FHL5: variants seen among roughly 807,000 people sequenced by gnomAD.
The protein encoded by FHL5 is four and a half LIM domains protein 5.
FHL5 carries 33 observed loss-of-function variants against 32.0 expected under a neutral mutation model. The observed-to-expected ratio is 1.03, with a 90% CI of 0.78 to 1.38. FHL5 has a LOEUF of 1.38. FHL5 is among the 40% of genes most tolerant of loss of function. The probability of loss-of-function intolerance (pLI) is 0.00; values close to 1 mark genes in which losing one functional copy is unlikely to be tolerated. For synonymous variants in FHL5, 114 were observed against 113.6 expected (o/e 1.00, Z -0.02); for missense variants, 336 against 343.9 (o/e 0.98, Z 0.18).
intron 5 of FHL5, among the ~76,000 whole-genome samples, chr6:96,611,560 C>T (rs566806935): frequency 6.6e-6 from 1 of 152,330 alleles, no homozygotes; most frequent in South Asian, 2.1e-4. Context: ...TTTATAATCA[C>T]TTAATAATGT....
chr6:96,611,082 G>A (rs1272039516), intron 5 of FHL5, among the ~76,000 whole-genome samples: 1 of 152,150 alleles, frequency 6.6e-6, no homozygotes, highest in Non-Finnish European at 1.5e-5. Context: ...AGATCTGCTT[G>A]CAGCCTCATT....
intron 5 of FHL5, among the ~76,000 whole-genome samples, chr6:96,614,966 T>C (rs1295493669): frequency 6.6e-6 from 1 of 152,202 alleles, no homozygotes; most frequent in Non-Finnish European, 1.5e-5. Context: ...AAGCTGGCTC[T>C]GAGCAAGGTA....
chr6:96,570,585 C>A (rs1033371677), intron 1 of FHL5, among the ~76,000 whole-genome samples: 2 of 152,118 alleles, frequency 1.3e-5, no homozygotes, highest in African/African-American at 2.4e-5. Flanking sequence ...GCTTTCTATA[C>A]TTTTTCCTTA....
chr6:96,600,410 C>T (rs1562061776), intron 1 of FHL5, among the ~76,000 whole-genome samples: 1 of 152,178 alleles, frequency 6.6e-6, no homozygotes, highest in Non-Finnish European at 1.5e-5. Context: ...GCCATTCTCT[C>T]ACTTCTCTTT....
intron 1 of FHL5, among the ~76,000 whole-genome samples, chr6:96,576,161 C>A (rs1770580471): frequency 6.6e-6 from 1 of 152,162 alleles, no homozygotes; most frequent in African/African-American, 2.4e-5. Flanking sequence ...AGAAGCTTTA[C>A]CTGAAGTTTT....
intron 1 of FHL5, among the ~76,000 whole-genome samples, chr6:96,586,948 C>T (rs1265785996): frequency 6.6e-6 from 1 of 152,156 alleles, no homozygotes; most frequent in Non-Finnish European, 1.5e-5. Context: ...AGAGATGAAA[C>T]ACGGCTTTGC....
intron 1 of FHL5, among the ~76,000 whole-genome samples, chr6:96,600,688 A>T (rs925103323): frequency 2.6e-5 from 4 of 152,312 alleles, no homozygotes; most frequent in African/African-American, 9.6e-5. Context: ...GATGTATTCA[A>T]AGATCAATAG....
At chr6:96,563,011 G>A (rs1342897701), upstream of FHL5, 1 of 152,130 alleles carries the variant, frequency 6.6e-6, no homozygotes, top group Non-Finnish European at 1.5e-5. Context: ...ACTTTTTGGA[G>A]CTTAGCCAGA....
At chr6:96,605,270 T>C (rs1450821649) in intron 3 of FHL5, among the ~76,000 whole-genome samples, 1 of 152,216 alleles carries the variant, frequency 6.6e-6, no homozygotes, top group East Asian at 1.9e-4. Flanking sequence ...TGATTCATCA[T>C]AGGCGATTGG....
At chr6:96,585,764 C>T (rs1463133821) in intron 1 of FHL5, among the ~76,000 whole-genome samples, 7 of 152,126 alleles carry the variant, frequency 4.6e-5, no homozygotes, top group Non-Finnish European at 1.0e-4. Flanking sequence ...CTCAAAAACA[C>T]ATGAACAGAG....
chr6:96,600,655 CTA>C (rs1300467144), intron 1 of FHL5, among the ~76,000 whole-genome samples: 1 of 152,050 alleles, frequency 6.6e-6, no homozygotes, highest in African/African-American at 2.4e-5. Flanking sequence ...TATAATACCT[CTA>C]TTTTTAAGAA....
chr6:96,593,855 C>G (rs1414847128), intron 1 of FHL5, among the ~76,000 whole-genome samples: 1 of 152,020 alleles, frequency 6.6e-6, no homozygotes, highest in Non-Finnish European at 1.5e-5. Flanking sequence ...TTTTTAAGTA[C>G]TAGCTTCTCT....
At chr6:96,603,438 A>G (rs753219090) in intron 1 of FHL5, among the ~76,000 whole-genome samples, 164 bp from the exon 2 acceptor site, 5 of 152,196 alleles carry the variant, frequency 3.3e-5, no homozygotes, top group Non-Finnish European at 7.3e-5. Context: ...AAATCACTCC[A>G]AATGTCACCA....
chr6:96,589,638 TTA>T (rs1770874593), intron 1 of FHL5, among the ~76,000 whole-genome samples: 1 of 152,070 alleles, frequency 6.6e-6, no homozygotes, highest in South Asian at 2.1e-4. Flanking sequence ...CTCTTTACTC[TTA>T]TTTGTGTTTT....
At chr6:96,604,636 C>T (rs1042788705) in intron 2 of FHL5, 114 bp from the exon 3 acceptor site, 9 of 676,536 alleles carry the variant, frequency 1.3e-5, no homozygotes, top group East Asian at 6.3e-5. Context: ...CTTTCCCTCA[C>T]GCTACTAGCA....
In FHL5 at chr6:96,617,124, A is replaced by G. The variant is rs1216349946; in HGVS notation, c.*1352A>G. Among the ~76,000 whole-genome samples, 1 of 152,202 alleles carries G rather than the reference A, an allele frequency of 6.6e-6. No homozygotes were observed. Among genetic ancestry groups the G allele is most frequent in the Non-Finnish European group, 1.5e-5 (1 of 68,040 alleles). On this transcript the variant is annotated 3_prime_UTR_variant, in exon 6 of 6. Transcript: ENST00000450218. ...CCAGACTTTAACTGATCATGACCCT[A>G]TCTTGCTACCCCTGGATATTTTCCA...
At chr6:96,564,059 C>A (rs1770302530) in intron 1 of FHL5, among the ~76,000 whole-genome samples, 1 of 152,150 alleles carries the variant, frequency 6.6e-6, no homozygotes, top group Admixed American at 6.5e-5. Flanking sequence ...CTATTTTAGT[C>A]ATATCCTCTT....
Position 96,615,725 on chromosome 6 carries a change from G to A in FHL5, c.808G>A (p.Glu270Lys), listed in dbSNP as rs1449031326. ...VGKGFLTQNK[E>K]IFCQKCGSGM... is the part of the protein sequence containing the mutation. ...TAAAGGCTTCCTGACCCAGAACAAG[G>A]AAATCTTCTGCCAAAAATGTGGCTC... Residue 270 changes from glutamate to lysine, a missense_variant, in exon 6 of 6, where the codon GAA becomes AAA. Physicochemically the swap from Glu to Lys is moderately conservative, Grantham distance 56. Coordinates refer to ENST00000450218, the MANE Select transcript of FHL5 (RefSeq NM_001322466.2). 4 of 1,611,738 alleles carry A rather than the reference G, an allele frequency of 2.5e-6. No homozygotes were observed. The highest frequency in any genetic ancestry group is 1.7e-4 in the Middle Eastern group (1 of 6,042).
intron 1 of FHL5, among the ~76,000 whole-genome samples, chr6:96,594,244 T>C (rs982855902): frequency 1.3e-5 from 1 of 78,628 alleles, no homozygotes. Context: ...TATATATATA[T>C]ATATATATAT....
Sources: allele counts gnomAD v4.1 joint callset (sites outside exome capture counted in the v4.1 genomes callset), GRCh38; gene constraint gnomAD v4.1.1; transcripts MANE v1.5; gene names NCBI Gene and HGNC (gene_info 2026-07-23, HGNC 2026-07-21).